STOX2: variants seen among roughly 807,000 people sequenced by gnomAD.
STOX2 encodes the protein storkhead-box protein 2.
STOX2 carries 28 observed loss-of-function variants against 60.9 expected under a neutral mutation model. The ratio of observed to expected loss-of-function variants is 0.46; its 90% CI spans 0.34 to 0.63. STOX2 has a LOEUF of 0.63. STOX2 is among the 30% of genes least tolerant of loss of function. The pLI is 0.01. For synonymous variants in STOX2, 472 were observed against 463.9 expected (o/e 1.02, Z -0.22); for missense variants, 1,024 against 1,187.7 (o/e 0.86, Z 2.03).
chr4:183,855,566 C>A (rs1055452261), intron 1 of STOX2, among the ~76,000 whole-genome samples: 2 of 151,968 alleles, frequency 1.3e-5, no homozygotes, highest in African/African-American at 4.8e-5. Context: ...AACGAATGGT[C>A]GTCTATTTGG....
chr4:183,831,168 T>C (rs919339228), intron 1 of STOX2, among the ~76,000 whole-genome samples: 1 of 151,928 alleles, frequency 6.6e-6, no homozygotes, highest in African/African-American at 2.4e-5. Context: ...CAGTGAGAGT[T>C]GTTTATTGCT....
At chr4:183,835,671 A>T (rs1739692068) in intron 1 of STOX2, among the ~76,000 whole-genome samples, 1 of 152,202 alleles carries the variant, frequency 6.6e-6, no homozygotes, top group Non-Finnish European at 1.5e-5. Flanking sequence ...AATAGAAAGA[A>T]CACTAGAATT....
rs28452627 is a variant in STOX2 at position 183,991,714 on chromosome 4, G to A, written c.167-9611G>A. ...GCTGGGATTACAAGCATGAGCCACC[G>A]CGCCCGGCCAGGGAAGATATTTTTA... On this transcript the variant is annotated intron_variant, in intron 1 of 3. Transcript: ENST00000308497. Among the ~76,000 whole-genome samples, 886 of 152,142 alleles carry A rather than the reference G, an allele frequency of 5.8e-3. 8 individuals are homozygous for A. Among genetic ancestry groups the A allele is most frequent in the African/African-American group, 0.02 (845 of 41,488 alleles).
In STOX2 at chr4:183,906,973, G is replaced by C; in HGVS notation, c.166+17G>C. ...TGACATCAGGTTGGTTGGTGACCGC[G>C]TTTCTGCCCCCGGGCCGGGGCCGCG... On this transcript the variant is annotated intron_variant, in intron 1 of 3. Transcript: ENST00000308497. 1 of 1,513,112 alleles carries C rather than the reference G, an allele frequency of 6.6e-7. No individual in the cohort carries two copies. The highest frequency in any genetic ancestry group is 8.9e-7 in the Non-Finnish European group (1 of 1,123,432). 93.7% of individuals were successfully genotyped at this position (1,513,112 alleles called of 1,614,324 possible).
At chr4:183,969,777 G>A (rs894882343) in intron 1 of STOX2, among the ~76,000 whole-genome samples, 2 of 152,018 alleles carry the variant, frequency 1.3e-5, no homozygotes, top group Admixed American at 1.3e-4. Flanking sequence ...GCACCACCAC[G>A]CCTGGCTAAT....
At chr4:183,930,086 G>C (rs1042208557) in intron 1 of STOX2, among the ~76,000 whole-genome samples, 1 of 151,394 alleles carries the variant, frequency 6.6e-6, no homozygotes, top group African/African-American at 2.4e-5. Flanking sequence ...GATGGGTCTC[G>C]ATCTCCTGAC....
chr4:183,921,739 A>C (rs1192832790), intron 1 of STOX2, among the ~76,000 whole-genome samples: 4 of 152,226 alleles, frequency 2.6e-5, no homozygotes, highest in Admixed American at 2.6e-4. Flanking sequence ...AATACGGTAT[A>C]TATTTCTAAA....
chr4:184,011,818 G>C lies in STOX2; in HGVS notation c.2585+395G>C, dbSNP rs1387958882. On this transcript the variant is annotated intron_variant, in intron 3 of 3. Transcript: ENST00000308497. The surrounding 1 kb of genome is among the most constrained non-coding windows in gnomAD (Gnocchi z 4.4). ...TCTGGGGGCGGGGGAGGAAGATAGG[G>C]GTTGGGAGTAAACTGATTGATGCTA... Among the ~76,000 whole-genome samples, 1 of 152,142 alleles carries C rather than the reference G, an allele frequency of 6.6e-6. No homozygotes were observed. Among genetic ancestry groups the C allele is most frequent in the East Asian group, 1.9e-4 (1 of 5,182 alleles).
intron 1 of STOX2, among the ~76,000 whole-genome samples, chr4:183,855,605 G>A (rs1003220833): frequency 2.6e-5 from 4 of 152,228 alleles, no homozygotes; most frequent in African/African-American, 9.6e-5. Context: ...CCTCAGTGTG[G>A]GAAAATCTTT....
At chr4:183,818,765 G>T (rs572976526) in intron 1 of STOX2, among the ~76,000 whole-genome samples, 1 of 150,082 alleles carries the variant, frequency 6.7e-6, no homozygotes, top group East Asian at 2.0e-4. Flanking sequence ...GCTGCTGGGC[G>T]GAGACGCTCC....
At chr4:183,938,501 T>A (rs1254736286) in intron 1 of STOX2, among the ~76,000 whole-genome samples, 1 of 152,132 alleles carries the variant, frequency 6.6e-6, no homozygotes, top group East Asian at 1.9e-4. Context: ...AAACCCCGTC[T>A]CTACTAAAAA....
upstream of STOX2, among the ~76,000 whole-genome samples, chr4:183,900,527 T>A (rs1741439001): frequency 6.6e-6 from 1 of 152,182 alleles, no homozygotes; most frequent in East Asian, 1.9e-4. Flanking sequence ...CAGGAAAGAT[T>A]GTGTTCAGAT....
chr4:183,959,927 C>T (rs184208678), intron 1 of STOX2, among the ~76,000 whole-genome samples: 101 of 152,078 alleles, frequency 6.6e-4, no homozygotes, highest in African/African-American at 2.2e-3. Flanking sequence ...ATTTGCTTTT[C>T]CCAGCATTTT....
chr4:183,989,538 G>A lies in STOX2; in HGVS notation c.167-11787G>A, dbSNP rs535121799. On this transcript the variant is annotated intron_variant, in intron 1 of 3. Coordinates refer to ENST00000308497, the MANE Select transcript of STOX2 (RefSeq NM_020225.3). ...TCTTACCAATTAATATATAGTGCCC[G>A]AAATTTTGCATACTGTTTGGCCTGT... 7.2e-5 allele frequency among the ~76,000 whole-genome samples: 11 copies of A among 152,206 alleles called. No homozygotes were observed. The East Asian group carries it at 1.2e-3, about 16-fold the overall frequency.
chr4:183,947,078 G>T (rs530536551), intron 1 of STOX2, among the ~76,000 whole-genome samples: 332 of 37,482 alleles, frequency 8.9e-3, no homozygotes, highest in African/African-American at 0.011. Context: ...CGGTATCCTG[G>T]TGGGGGGTGG....
At chr4:183,883,555 A>G (rs1231755166) in intron 1 of STOX2, among the ~76,000 whole-genome samples, 1 of 152,068 alleles carries the variant, frequency 6.6e-6, no homozygotes, top group Non-Finnish European at 1.5e-5. Flanking sequence ...TGACCTTGTG[A>G]TCCACCCGTC....
Position 183,897,996 on chromosome 4 carries a change from G to A in STOX2, c.364+99941G>A, listed in dbSNP as rs529608221. 5.3e-5 allele frequency among the ~76,000 whole-genome samples: 8 copies of A among 152,164 alleles called. No individual in the cohort carries two copies. The South Asian group carries it at 1.7e-3, about 32-fold the overall frequency. On this transcript the variant is annotated intron_variant, in intron 1 of 2. Transcript: ENST00000513034. ...TTTTTTTAATTGAAAAGCTTATTTT[G>A]AAGTAAGCATTTTAACAAATATATT...
intron 1 of STOX2, among the ~76,000 whole-genome samples, chr4:183,967,652 G>A (rs1743618361): frequency 6.6e-6 from 1 of 152,132 alleles, no homozygotes. Context: ...TAGTTGTTTT[G>A]TTCGGGTTTC....
At position 183,971,184 on chromosome 4, in the gene STOX2, C is replaced by T. The variant is rs374573785; in HGVS notation, c.167-30141C>T. ...CTCGTCTAAGGACCACAAATACCAA[C>T]AGTTTGAAGTAAAAGTAGGAGGACT... is the stretch of plus-strand genomic sequence containing the variant. On this transcript the variant is annotated intron_variant, in intron 1 of 3. Transcript: ENST00000308497. Among the ~76,000 whole-genome samples, 135 of 152,222 alleles carry T rather than the reference C, an allele frequency of 8.9e-4. 4 individuals are homozygous for T. The South Asian group carries it at 0.027, about 31-fold the overall frequency.
Sources: gnomAD v4.1 joint callset for allele counts (sites outside exome capture counted in the v4.1 genomes callset) on GRCh38, gnomAD v4.1.1 for gene constraint, Gnocchi (gnomAD v3.1) non-coding constraint, MANE v1.5 for transcripts, NCBI Gene and HGNC (gene_info 2026-07-23, HGNC 2026-07-21) for gene names.